Variants in ATRN observed in about 807,000 individuals in gnomAD.
The protein encoded by ATRN is attractin.
In ATRN, 54 loss-of-function variants were observed where a neutral mutation model predicts 178.7. The observed-to-expected ratio is 0.30, with a 90% CI of 0.24 to 0.38. ATRN has a LOEUF of 0.38. Ranked by LOEUF, ATRN falls within the 10% of genes least tolerant of loss-of-function variation. The pLI, the probability that ATRN is intolerant of heterozygous loss-of-function variation, is 1.00. For missense variants in ATRN, 1,443 were observed against 1,815.1 expected (o/e 0.79, Z 3.73); for synonymous variants, 636 against 663.0 (o/e 0.96, Z 0.63).
At chr20:3,598,114 A>G (rs907156342) in intron 22 of ATRN, 114 bp downstream of exon 22, 8 of 686,708 alleles carry the variant, frequency 1.2e-5, no homozygotes, top group Non-Finnish European at 1.5e-5. Flanking sequence ...AGTACACGAG[A>G]TGATCTCTAG....
chr20:3,490,995 A>G lies in ATRN; in HGVS notation c.410+19478A>G, dbSNP rs2084785321. ...ATGATAGCGCCGCTGCTGCTCCAGT[A>G]TTGTCTCCATCTTCCTTTAGCCGCA... On this transcript the variant is annotated intron_variant, in intron 1 of 28. Coordinates refer to ENST00000262919, the MANE Select transcript of ATRN (RefSeq NM_139321.3). The G allele has an allele frequency of 2.2e-5, 34 of 1,515,504 alleles. 2 individuals carry two copies. The South Asian group carries it at 3.4e-4, about 15-fold the overall frequency. 93.9% of individuals were successfully genotyped at this position (1,515,504 alleles called of 1,614,324 possible).
At chr20:3,540,109 C>A in intron 2 of ATRN, 113 bp from the exon 3 acceptor site, 1 of 548,542 alleles carries the variant, frequency 1.8e-6, no homozygotes, top group South Asian at 2.9e-5. Flanking sequence ...ACTGGTGGGG[C>A]AGTTGTTAGA....
At chr20:3,575,221 C>G (rs992794856) in intron 12 of ATRN, among the ~76,000 whole-genome samples, 3 of 152,206 alleles carry the variant, frequency 2.0e-5, no homozygotes, top group South Asian at 2.1e-4. Flanking sequence ...CTCGGCCTCC[C>G]GAAGTGCTGA....
At chr20:3,515,421 T>G (rs2085193992) in intron 1 of ATRN, among the ~76,000 whole-genome samples, 1 of 152,148 alleles carries the variant, frequency 6.6e-6, no homozygotes, top group South Asian at 2.1e-4. Context: ...GGCAGGTAGA[T>G]TTACTAAAGT....
At chr20:3,580,141 G>T (rs1218882111) in intron 15 of ATRN, among the ~76,000 whole-genome samples, 1 of 152,030 alleles carries the variant, frequency 6.6e-6, no homozygotes, top group African/African-American at 2.4e-5. Context: ...TCCAAATGTG[G>T]GTCTCTTCCA....
intron 18 of ATRN, among the ~76,000 whole-genome samples, chr20:3,587,698 C>G (rs1490712891): frequency 1.3e-5 from 2 of 152,128 alleles, no homozygotes; most frequent in Non-Finnish European, 2.9e-5. Context: ...AAGACTGTTA[C>G]AGCTATTCTG....
intron 24 of ATRN, among the ~76,000 whole-genome samples, chr20:3,609,967 T>C (rs2146298700): frequency 6.6e-6 from 1 of 152,230 alleles, no homozygotes; most frequent in Middle Eastern, 3.4e-3. Flanking sequence ...GAGCGGGAAA[T>C]AGGGAATTAC....
At chr20:3,505,649 A>G (rs1306315251) in intron 1 of ATRN, among the ~76,000 whole-genome samples, 3 of 152,192 alleles carry the variant, frequency 2.0e-5, no homozygotes, top group Non-Finnish European at 4.4e-5. Context: ...TTGAACGTAA[A>G]TGGACTAAAT....
At chr20:3,538,329 G>GTTTC (rs1568715387) in intron 2 of ATRN, among the ~76,000 whole-genome samples, 1 of 152,066 alleles carries the variant, frequency 6.6e-6, no homozygotes, top group African/African-American at 2.4e-5. Context: ...GATGCCCACA[G>GTTTC]TTTCACCCAC....
intron 1 of ATRN, among the ~76,000 whole-genome samples, chr20:3,522,132 T>C (rs1282371307): frequency 6.6e-6 from 1 of 151,734 alleles, no homozygotes. Context: ...CTAGAAAAAT[T>C]CCCCCAAACA....
chr20:3,622,128 C>T (rs922086275), intron 24 of ATRN, among the ~76,000 whole-genome samples: 3 of 152,206 alleles, frequency 2.0e-5, no homozygotes, highest in Admixed American at 6.5e-5. Context: ...TTCAGTTGTG[C>T]ACATGGTGCC....
In ATRN at chr20:3,588,986, T is replaced by TTTTG. The variant is rs1315624034; in HGVS notation, c.3185-2180_3185-2179insGTTT. ...AGTTCGTAGTATTTTCTTTTGTTTT[T>TTTTG]TTTTTTTTTTTTTTGAGACAGAGTC... On this transcript the variant is annotated intron_variant, in intron 18 of 28. Transcript: ENST00000262919. Among the ~76,000 whole-genome samples the TTTTG allele has an allele frequency of 4.5e-5, 6 of 134,084 alleles. No individual in the cohort carries two copies. The East Asian group carries it at 6.4e-4, about 14-fold the overall frequency. The allele number at this position is 134,084 out of a possible 152,430, so 88.0% of individuals were successfully genotyped here.
chr20:3,575,707 C>T (rs2146247389), intron 12 of ATRN, 120 bp from the exon 13 acceptor site: 2 of 1,101,880 alleles, frequency 1.8e-6, no homozygotes, highest in East Asian at 2.4e-5. Flanking sequence ...ATATATTTTC[C>T]TGCCAGTTTC....
rs183348759 is a variant in ATRN, at chr20:3,489,255, T to C, written c.410+17738T>C. Among the ~76,000 whole-genome samples, 378 of 152,296 alleles carry C rather than the reference T, an allele frequency of 2.5e-3. 1 individual carries two copies. The highest frequency in any genetic ancestry group is 8.7e-3 in the African/African-American group (362 of 41,570). On this transcript the variant is annotated intron_variant, in intron 1 of 28. Transcript: ENST00000262919. ...GCATTACAGGTGTGAGCCACAGATA[T>C]TTGATGTTTTTTATACTTTTGTAAA...
At chr20:3,631,896 G>T (rs1296693441) in intron 25 of ATRN, among the ~76,000 whole-genome samples, 2 of 152,146 alleles carry the variant, frequency 1.3e-5, no homozygotes, top group Non-Finnish European at 2.9e-5. Context: ...AGACTGAGAA[G>T]GTTATTCTCA....
At chr20:3,514,320 C>G (rs2085177620) in intron 1 of ATRN, among the ~76,000 whole-genome samples, 1 of 152,336 alleles carries the variant, frequency 6.6e-6, no homozygotes, top group East Asian at 1.9e-4. Context: ...ATGTTACAGA[C>G]TCTTCCAGAG....
chr20:3,523,682 C>G (rs867675213), intron 1 of ATRN, among the ~76,000 whole-genome samples: 1 of 152,232 alleles, frequency 6.6e-6, no homozygotes, highest in South Asian at 2.1e-4. Flanking sequence ...ACTGAGTTAC[C>G]CTCAAAGGGT....
chr20:3,637,645 C>T (rs1355175298), intron 26 of ATRN, among the ~76,000 whole-genome samples: 2 of 152,132 alleles, frequency 1.3e-5, no homozygotes, highest in East Asian at 3.9e-4. Flanking sequence ...CTCTAATATC[C>T]TTAATGATAT....
rs1568744154 is a variant in ATRN at position 3,582,212 on chromosome 20, A to G, written c.2622A>G (p.Pro874=). 6.2e-7 allele frequency: 1 copy of G among 1,614,166 alleles called. No homozygotes were observed. The highest frequency in any genetic ancestry group is 2.2e-5 in the East Asian group (1 of 44,886). The change falls in exon 16 of 29, where the codon CCA becomes CCG. Residue 874 remains proline (P), a synonymous_variant. Coordinates refer to ENST00000262919, the MANE Select transcript of ATRN (RefSeq NM_139321.3). The part of the protein sequence containing the change: ...VSYWCWEDMS[P]FTNSLLQWMP... Reference sequence around the variant, plus strand: ...ACTGGTGCTGGGAAGATATGTCCCCATTTACAAATAGTTTACTACAGTGGA... The same window carrying G: ...ACTGGTGCTGGGAAGATATGTCCCCGTTTACAAATAGTTTACTACAGTGGA...
Sources: allele counts gnomAD v4.1 joint callset (sites outside exome capture counted in the v4.1 genomes callset), GRCh38; gene constraint gnomAD v4.1.1; transcripts MANE v1.5; gene names NCBI Gene and HGNC (gene_info 2026-07-23, HGNC 2026-07-21).